NEBL: variants seen among roughly 807,000 people sequenced by gnomAD.
NEBL encodes the protein LIM and SH3 protein 2.
NEBL carries 122 observed loss-of-function variants against 140.2 expected under a neutral mutation model. The ratio of observed to expected loss-of-function variants is 0.87; its 90% confidence interval spans 0.75 to 1.01. NEBL has a LOEUF of 1.01. Among genes scored for constraint, NEBL ranks in the 50% least tolerant of loss-of-function variants. The probability of loss-of-function intolerance (pLI) is 0.00; values close to 1 mark genes in which losing one functional copy is unlikely to be tolerated. For missense variants in NEBL, 1,365 were observed against 1,231.3 expected, an observed-to-expected ratio of 1.11 and a Z score of -1.62; for synonymous variants, 436 against 398.9, an observed-to-expected ratio of 1.09 and a Z score of -1.11.
intron 3 of NEBL, among the ~76,000 whole-genome samples, chr10:21,213,907 G>C (rs572825019): frequency 6.6e-6 from 1 of 152,118 alleles, no homozygotes; most frequent in Non-Finnish European, 1.5e-5. Context: ...GCGAGGGAAA[G>C]GACAAGGTCT....
At chr10:20,793,900 G>A (rs1402422336) in intron 26 of NEBL, among the ~76,000 whole-genome samples, 3 of 152,242 alleles carry the variant, frequency 2.0e-5, no homozygotes, top group Non-Finnish European at 2.9e-5. Context: ...CGGACCTACC[G>A]AACTGGCGGG....
chr10:21,032,966 T>G (rs1465943789), intron 2 of NEBL, among the ~76,000 whole-genome samples: 4 of 152,212 alleles, frequency 2.6e-5, no homozygotes, highest in East Asian at 1.9e-4. Context: ...TATTGAAACA[T>G]GTCACCTAGA....
At chr10:20,994,884 A>AG (rs201938639) in intron 3 of NEBL, among the ~76,000 whole-genome samples, 169 of 141,998 alleles carry the variant, frequency 1.2e-3, no homozygotes, top group South Asian at 4.7e-3. Flanking sequence ...GAGGAGGTAG[A>AG]GGGGGGGGTT....
At chr10:21,229,744 AC>A (rs1287877695) in intron 3 of NEBL, among the ~76,000 whole-genome samples, 1 of 152,214 alleles carries the variant, frequency 6.6e-6, no homozygotes, top group Non-Finnish European at 1.5e-5. Flanking sequence ...GCTTTCAGTC[AC>A]GTCTCTGTAA....
chr10:20,900,845 G>GA (rs371663324), upstream of NEBL, among the ~76,000 whole-genome samples: 58,936 of 102,574 alleles, frequency 0.57, 17,691 homozygotes, highest in Non-Finnish European at 0.68. Context: ...ACTCCATCCC[G>GA]AAAAAAAAAG....
intron 4 of NEBL, among the ~76,000 whole-genome samples, chr10:20,928,511 G>A (rs1834020798): frequency 6.6e-6 from 1 of 152,100 alleles, no homozygotes; most frequent in Admixed American, 6.6e-5. Flanking sequence ...AAAAAGGACT[G>A]GAGAGAAAAG....
At position 20,840,768 on chromosome 10, in the gene NEBL, C is replaced by T. The variant is rs892490454; in HGVS notation, c.1309G>A (p.Ala437Thr). ...LNSEVLDIQR[A>T]KRASEMASEK... Reference sequence around the variant, plus strand: ...CTTGCCATTTCAGAGGCTCGCTTTGCTCTTTGGATATCAAGAACTTCTGAA... The same window carrying T: ...CTTGCCATTTCAGAGGCTCGCTTTGTTCTTTGGATATCAAGAACTTCTGAA... Residue 437 changes from alanine (A) to threonine (T), a missense_variant, in exon 13 of 28, where the codon GCA (alanine) becomes ACA (threonine). Transcript: ENST00000377122. 2 of 1,611,582 alleles carry T rather than the reference C, an allele frequency of 1.2e-6. No individual in the cohort carries two copies. The highest frequency in any genetic ancestry group is 1.3e-5 in the African/African-American group (1 of 74,822).
At chr10:21,067,011 T>A (rs1835586761) in intron 2 of NEBL, among the ~76,000 whole-genome samples, 2 of 148,390 alleles carry the variant, frequency 1.3e-5, no homozygotes, top group Non-Finnish European at 3.0e-5. Context: ...CTTGCTGTGT[T>A]GCCCAGGCTG....
chr10:20,858,555 T>A (rs1446621573), intron 8 of NEBL, among the ~76,000 whole-genome samples: 3 of 152,214 alleles, frequency 2.0e-5, no homozygotes, highest in African/African-American at 7.2e-5. Flanking sequence ...GGATAATTCC[T>A]TTTGTTGTTC....
intron 2 of NEBL, among the ~76,000 whole-genome samples, chr10:21,036,846 T>A (rs914175139): frequency 2.0e-5 from 3 of 152,040 alleles, no homozygotes; most frequent in African/African-American, 7.2e-5. Flanking sequence ...GACTTGGGTA[T>A]CTCCACATCA....
chr10:21,174,163 C>T, exon 1 of NEBL: 2 of 467,262 alleles, frequency 4.3e-6, no homozygotes, highest in Non-Finnish European at 5.7e-6. Context: ...CTCGCTCCCC[C>T]GCCTCGCCGC....
intron 3 of NEBL, among the ~76,000 whole-genome samples, chr10:21,246,911 ATTGTAATTCCC>A (rs759709101): frequency 4.6e-5 from 7 of 152,166 alleles, no homozygotes; most frequent in Non-Finnish European, 1.0e-4. Flanking sequence ...CTCACGTCAA[ATTGTAATTCCC>A]AGTGTTGGGG....
At chr10:21,188,107 G>A (rs1022239657) in intron 3 of NEBL, among the ~76,000 whole-genome samples, 4 of 152,150 alleles carry the variant, frequency 2.6e-5, no homozygotes, top group African/African-American at 9.7e-5. Flanking sequence ...CCAGTATGCT[G>A]TCACTCTCTT....
chr10:21,004,066 T>C (rs1838018342), intron 3 of NEBL, among the ~76,000 whole-genome samples: 1 of 152,198 alleles, frequency 6.6e-6, no homozygotes, highest in Non-Finnish European at 1.5e-5. Flanking sequence ...TTTTTTCTTA[T>C]ACGCATACAC....
chr10:20,851,652 G>A (rs997648671), intron 10 of NEBL, among the ~76,000 whole-genome samples: 3 of 151,750 alleles, frequency 2.0e-5, no homozygotes, highest in African/African-American at 7.3e-5. Flanking sequence ...AGGCGTGGTG[G>A]CATGCACCTG....
intron 26 of NEBL, among the ~76,000 whole-genome samples, chr10:20,791,257 T>C (rs72785552): frequency 2.5e-4 from 38 of 152,312 alleles, no homozygotes; most frequent in Non-Finnish European, 5.0e-4. Context: ...TCTTCTACTG[T>C]ACAATAAAGT....
chr10:20,964,711 G>A (rs1216248749), intron 3 of NEBL, among the ~76,000 whole-genome samples: 1 of 152,132 alleles, frequency 6.6e-6, no homozygotes, highest in Non-Finnish European at 1.5e-5. Flanking sequence ...CTATGGTCTG[G>A]CTAGTTTAAC....
At chr10:21,132,427 G>T (rs892822411) in intron 2 of NEBL, among the ~76,000 whole-genome samples, 1 of 152,142 alleles carries the variant, frequency 6.6e-6, no homozygotes. Context: ...TAGCTGTTAT[G>T]CATAATGCTT....
chr10:20,785,963 T>C (rs199860020), intron 27 of NEBL, 40 bp from the exon 28 acceptor site: 52 of 1,588,326 alleles, frequency 3.3e-5, no homozygotes, highest in East Asian at 3.1e-4. Flanking sequence ...AATGCCGAAA[T>C]AGCTACAGCC....
Sources: allele counts gnomAD v4.1 joint callset (sites outside exome capture counted in the v4.1 genomes callset), GRCh38; gene constraint gnomAD v4.1.1; transcripts MANE v1.5; gene names NCBI Gene and HGNC (gene_info 2026-07-23, HGNC 2026-07-21).